Variants in CHRNG observed in about 807,000 individuals in gnomAD.
CHRNG encodes acetylcholine receptor subunit gamma.
A neutral mutation model predicts 65.2 loss-of-function variants in CHRNG; 72 were observed. The observed-to-expected ratio is 1.10, with a 90% confidence interval of 0.91 to 1.34. The LOEUF is 1.34. Ranked by LOEUF, CHRNG falls within the 40% of genes most tolerant of loss-of-function variation. The probability of loss-of-function intolerance (pLI) is 0.00; values close to 1 mark genes in which losing one functional copy is unlikely to be tolerated. For synonymous variants in CHRNG, 284 were observed against 290.2 expected (o/e 0.98, Z 0.22); for missense variants, 637 against 680.1 (o/e 0.94, Z 0.70).
At chr2:232,544,693 G>C in intron 10 of CHRNG, 79 bp from the exon 11 acceptor site, 1 of 1,581,452 alleles carries the variant, frequency 6.3e-7, no homozygotes, top group South Asian at 1.1e-5. Context: ...AGAGGAGCTG[G>C]GGTCCCTAAG....
intron 10 of CHRNG, 75 bp from the exon 11 acceptor site, chr2:232,544,697 C>A: frequency 6.3e-7 from 1 of 1,587,002 alleles, no homozygotes. Context: ...GAGCTGGGGT[C>A]CCTAAGGAGA....
At position 232,547,147 on chromosome 2, in the gene CHRNG, C is replaced by A. The variant is rs965792988; in HGVS notation, c.*1431C>A. Among the ~76,000 whole-genome samples the A allele has an allele frequency of 6.6e-6, 1 of 152,178 alleles. No homozygotes were observed. Among genetic ancestry groups the A allele is most frequent in the African/African-American group, 2.4e-5 (1 of 41,440 alleles). On this transcript the variant is annotated 3_prime_UTR_variant, in exon 12 of 12. Coordinates refer to ENST00000651502, the MANE Select transcript of CHRNG (RefSeq NM_005199.5). Reference sequence around the variant, plus strand: ...CCTGGCCAGGTGTGGTGGCTCACACCTGCAATCCCAGCACCTTGGGAGGAC... The same window carrying A: ...CCTGGCCAGGTGTGGTGGCTCACACATGCAATCCCAGCACCTTGGGAGGAC...
rs781249093 is a variant in CHRNG at position 232,541,417 on chromosome 2, G to A, written c.394G>A (p.Val132Met). 1.2e-5 allele frequency: 20 copies of A among 1,614,116 alleles called. No individual in the cohort carries two copies. Among genetic ancestry groups the A allele is most frequent in the East Asian group, 6.7e-5 (3 of 44,874 alleles). ...FEVALYCNVL[V>M]SPDGCIYWLP... ...GGTGGCCCTCTACTGCAATGTGCTC[G>A]TGTCCCCTGACGGCTGTATCTACTG... The change falls in exon 5 of 12, where the codon GTG (valine) becomes ATG (methionine). Residue 132 changes from valine (V) to methionine (M), a missense_variant. Physicochemically the swap from Val to Met is conservative, Grantham distance 21. Coordinates refer to ENST00000651502, the MANE Select transcript of CHRNG (RefSeq NM_005199.5). This position sits in a 1 kb window ranked among gnomAD's most constrained non-coding sequence, Gnocchi z 4.0.
chr2:232,542,904 G>T lies in CHRNG; in HGVS notation c.627G>T (p.Gln209His). Residue 209 changes from glutamine to histidine, a missense_variant, in exon 7 of 12, where the codon CAG (glutamine) becomes CAT (histidine). Coordinates refer to ENST00000651502, the MANE Select transcript of CHRNG (RefSeq NM_005199.5). ...AFTENGEWAI[Q>H]HRPAKMLLDP... ...CAGAGAATGGGGAGTGGGCCATCCA[G>T]CACCGACCAGCCAAGATGCTCCTGG... 6.2e-7 allele frequency: 1 copy of T among 1,613,926 alleles called. No homozygotes were observed. Among genetic ancestry groups the T allele is most frequent in the Non-Finnish European group, 8.5e-7 (1 of 1,180,014 alleles).
At position 232,540,793 on chromosome 2, in the gene CHRNG, GA is replaced by G. The variant is rs1368594586; in HGVS notation, c.350+83del. ...AGCAGAACAAGGCACTCTGGGAAAA[GA>G]GAAAGATGAGCAGAGGGTGCAAATC... On this transcript the variant is annotated intron_variant, in intron 4 of 11. Coordinates refer to ENST00000651502, the MANE Select transcript of CHRNG (RefSeq NM_005199.5). This position sits in a 1 kb window ranked among gnomAD's most constrained non-coding sequence, Gnocchi z 4.2. The G allele has an allele frequency of 2.4e-6, 3 of 1,263,986 alleles. No homozygotes were observed. The highest frequency in any genetic ancestry group is 1.9e-4 in the Middle Eastern group (1 of 5,282). 78.3% of individuals were successfully genotyped at this position (1,263,986 alleles called of 1,614,324 possible).
intron 11 of CHRNG, among the ~76,000 whole-genome samples, chr2:232,545,266 C>T (rs1163495751): frequency 1.3e-5 from 2 of 151,150 alleles, no homozygotes; most frequent in African/African-American, 2.4e-5. Flanking sequence ...AAGCCAAGAT[C>T]GCACCACTGC....
chr2:232,544,778 G>A lies in CHRNG; in HGVS notation c.1256G>A (p.Gly419Asp). The change falls in exon 11 of 12, where the codon GGC becomes GAC. Residue 419 changes from glycine (G) to aspartate (D), a missense_variant. Gly to Asp is a moderately conservative substitution (Grantham distance 94). Transcript: ENST00000651502. ...TACCCTTTCTCTTTATCAGAGAAAG[G>A]CCCGGAGTTAGGGCTGAGCCAGTTC... ...VAAALEKLEKGPELGLSQFCG... is the reference protein window; with the variant it reads ...VAAALEKLEKDPELGLSQFCG... The A allele has an allele frequency of 6.2e-7, 1 of 1,613,936 alleles. No homozygotes were observed. The highest frequency in any genetic ancestry group is 8.5e-7 in the Non-Finnish European group (1 of 1,180,000).
rs765746795 is a variant in CHRNG at position 232,541,451 on chromosome 2, C to G, written c.428C>G (p.Pro143Arg). ...SPDGCIYWLP[P>R]AIFRSACSIS... The stretch of plus-strand genomic sequence containing the variant: ...GACGGCTGTATCTACTGGCTGCCGC[C>G]TGCCATCTTCCGTTCCGCCTGCTCT... Residue 143 changes from proline (P) to arginine (R), a missense_variant, in exon 5 of 12, where the codon CCT (proline) becomes CGT (arginine). Physicochemically the swap from Pro to Arg is moderately radical, Grantham distance 103. Transcript: ENST00000651502. This position sits in a 1 kb window ranked among gnomAD's most constrained non-coding sequence, Gnocchi z 4.0. 1.4e-5 allele frequency: 23 copies of G among 1,614,032 alleles called. No homozygotes were observed. The East Asian group carries it at 4.5e-4, about 31-fold the overall frequency.
At position 232,543,010 on chromosome 2, in the gene CHRNG, G is replaced by A. The variant is rs557970419; in HGVS notation, c.733G>A (p.Val245Ile). The part of the protein sequence containing the change: ...LLIQRKPLFY[V>I]INIIAPCVLI... ...CATCCAGCGCAAGCCCCTCTTCTAC[G>A]TCATCAACATCATCGCCCCCTGTGT... The change falls in exon 7 of 12, where the codon GTC becomes ATC. Residue 245 changes from valine (V) to isoleucine (I), a missense_variant. Physicochemically the swap from Val to Ile is conservative, Grantham distance 29 (BLOSUM62 3). Coordinates refer to ENST00000651502, the MANE Select transcript of CHRNG (RefSeq NM_005199.5). 59 of 1,614,204 alleles carry A rather than the reference G, an allele frequency of 3.7e-5. No individual in the cohort carries two copies. The highest frequency in any genetic ancestry group is 5.3e-5 in the African/African-American group (4 of 75,052).
At position 232,542,599 on chromosome 2, in the gene CHRNG, A is replaced by C. The variant is rs955780881; in HGVS notation, c.604+79A>C. 1.5e-5 allele frequency: 14 copies of C among 963,836 alleles called. No homozygotes were observed. The East Asian group carries it at 3.1e-4, about 22-fold the overall frequency. 59.7% of individuals were successfully genotyped at this position (963,836 alleles called of 1,614,324 possible). On this transcript the variant is annotated intron_variant, in intron 6 of 11. Coordinates refer to ENST00000651502, the MANE Select transcript of CHRNG (RefSeq NM_005199.5). ...CCCAGCTGTGGTCAAGGCTGGACCA[A>C]GGTCAAATCCCTCCCATGTAACTCA...
In CHRNG at chr2:232,540,860, G is replaced by C. The variant is rs977397832; in HGVS notation, c.350+149G>C. Reference sequence around the variant, plus strand: ...TAGGGAAGAACTGGATGGAGCAGGTGCCGAGGGCAGGGCCCTGGGTATGCC... The same window carrying C: ...TAGGGAAGAACTGGATGGAGCAGGTCCCGAGGGCAGGGCCCTGGGTATGCC... On this transcript the variant is annotated intron_variant, in intron 4 of 11. Transcript: ENST00000651502. The surrounding 1 kb of genome is among the most constrained non-coding windows in gnomAD (Gnocchi z 4.2). 4.0e-6 allele frequency: 3 copies of C among 756,318 alleles called. No homozygotes were observed. The highest frequency in any genetic ancestry group is 1.7e-5 in the African/African-American group (1 of 58,154). The allele number at this position is 756,318 out of a possible 1,614,324, so 46.9% of individuals were successfully genotyped here.
In CHRNG at chr2:232,541,404, C is replaced by T. The variant is rs1390746567; in HGVS notation, c.381C>T (p.Tyr127=). Residue 127 remains tyrosine, a synonymous_variant, in exon 5 of 12, where the codon TAC becomes TAT. Coordinates refer to ENST00000651502, the MANE Select transcript of CHRNG (RefSeq NM_005199.5). This position sits in a 1 kb window ranked among gnomAD's most constrained non-coding sequence, Gnocchi z 4.0. ...ACGGTGTCTTCGAGGTGGCCCTCTA[C>T]TGCAATGTGCTCGTGTCCCCTGACG... ...NVDGVFEVAL[Y]CNVLVSPDGC... is the part of the protein sequence containing the mutation. 5.6e-6 allele frequency: 9 copies of T among 1,614,028 alleles called. No homozygotes were observed. The South Asian group carries it at 9.9e-5, about 18-fold the overall frequency.
intron 9 of CHRNG, 103 bp downstream of exon 9, chr2:232,543,802 C>A: frequency 1.3e-6 from 1 of 757,500 alleles, no homozygotes; most frequent in Non-Finnish European, 2.3e-6. Flanking sequence ...CACAGCACAC[C>A]CATCCTGGGC....
chr2:232,546,355 G>C lies in CHRNG; in HGVS notation c.*639G>C, dbSNP rs973758374. ...GTTTTTGATGTGTTGTTGTTGTTTT[G>C]TTTAGTTTTGAGATAGAGCCTCACT... On this transcript the variant is annotated 3_prime_UTR_variant, in exon 12 of 12. Transcript: ENST00000651502. 1.0e-5 allele frequency: 1 copy of C among 98,974 alleles called. No individual in the cohort carries two copies. The highest frequency in any genetic ancestry group is 4.4e-5 in the African/African-American group (1 of 22,814). The allele number at this position is 98,974 out of a possible 1,614,324, so 6.1% of individuals were successfully genotyped here.
In CHRNG at chr2:232,542,962, C is replaced by G. The variant is rs1168544966; in HGVS notation, c.685C>G (p.Gln229Glu). ...GGCGCCAGCCCAGGAAGCAGGCCAC[C>G]AGAAGGTGGTGTTCTACCTGCTCAT... is the stretch of plus-strand genomic sequence containing the variant. ...PAAPAQEAGH[Q>E]KVVFYLLIQR... Residue 229 changes from glutamine to glutamate, a missense_variant, in exon 7 of 12, where the codon CAG becomes GAG. Gln to Glu is a conservative substitution (Grantham distance 29). Coordinates refer to ENST00000651502, the MANE Select transcript of CHRNG (RefSeq NM_005199.5). 6.8e-6 allele frequency: 11 copies of G among 1,614,064 alleles called. No homozygotes were observed. The Admixed American group carries it at 1.0e-4, about 15-fold the overall frequency.
chr2:232,542,145 A>G (rs1283772581), intron 5 of CHRNG, among the ~76,000 whole-genome samples: 1 of 152,104 alleles, frequency 6.6e-6, no homozygotes, highest in Admixed American at 6.5e-5. Context: ...CCTGCCAGAC[A>G]GCAGTGGGAG....
In CHRNG at chr2:232,545,326, A is replaced by G. The variant is rs182995488; in HGVS notation, c.1381-217A>G. 6.0e-3 allele frequency among the ~76,000 whole-genome samples: 901 copies of G among 150,424 alleles called. 9 individuals carry two copies. Among genetic ancestry groups the G allele is most frequent in the African/African-American group, 0.021 (857 of 41,264 alleles). Reference sequence around the variant, plus strand: ...GACGTGAGACTCCGTCTCAAAAAAAAAAAAAAGGAAAGAAAGAAAGAAAAA... The same window carrying G: ...GACGTGAGACTCCGTCTCAAAAAAAGAAAAAAGGAAAGAAAGAAAGAAAAA... On this transcript the variant is annotated intron_variant, in intron 11 of 11. Transcript: ENST00000651502.
Position 232,544,564 on chromosome 2 carries a change from A to T in CHRNG, c.1233A>T (p.Ala411=), listed in dbSNP as rs368057603. ...QQWQRQGLVA[A]ALEKLEKGPE... ...GGCAGCGGCAAGGGCTGGTGGCGGC[A>T]GCGCTGGAGAAGCTAGGTGAGACAC... is the stretch of plus-strand genomic sequence containing the variant. Residue 411 remains alanine (A), a synonymous_variant, in exon 10 of 12, where the codon GCA becomes GCT. Transcript: ENST00000651502. 3 of 1,613,132 alleles carry T rather than the reference A, an allele frequency of 1.9e-6. No homozygotes were observed. The African/African-American group carries it at 4.0e-5, about 22-fold the overall frequency.
Position 232,542,509 on chromosome 2 carries a change from A to C in CHRNG, c.593A>C (p.Glu198Ala), listed in dbSNP as rs138653046. The C allele has an allele frequency of 1.9e-6, 3 of 1,611,134 alleles. No individual in the cohort carries two copies. The African/African-American group carries it at 4.0e-5, about 22-fold the overall frequency. Residue 198 changes from glutamate (E) to alanine (A), a missense_variant, in exon 6 of 12, where the codon GAG (glutamate) becomes GCG (alanine). By Grantham distance (107) the Glu-to-Ala change is moderately radical. Transcript: ENST00000651502. ...ATCGAGTGGATTTTCATTGACCCTG[A>C]GGCCTTCACAGGTAACCCCCACCCA... Reference protein sequence around the residue: ...QTIEWIFIDPEAFTENGEWAI... With the variant: ...QTIEWIFIDPAAFTENGEWAI...
Sources: gnomAD v4.1 joint callset for allele counts (sites outside exome capture counted in the v4.1 genomes callset) on GRCh38, gnomAD v4.1.1 for gene constraint, Gnocchi (gnomAD v3.1) non-coding constraint, MANE v1.5 for transcripts, NCBI Gene and HGNC (gene_info 2026-07-23, HGNC 2026-07-21) for gene names.